The following BIK variants were observed in gnomAD, a reference collection of about 807,000 sequenced individuals.
BIK encodes bcl-2-interacting killer.
Under a neutral mutation model 12.1 loss-of-function variants are expected in BIK, and 14 were observed. The observed-to-expected ratio is 1.16, with a 90% CI of 0.77 to 1.81. BIK has a LOEUF of 1.81. BIK is among the 40% of genes most tolerant of loss of function. The pLI, the probability that BIK is intolerant of heterozygous loss-of-function variation, is 0.00. For synonymous variants in BIK, 86 were observed against 92.3 expected (o/e 0.93, Z 0.39); for missense variants, 215 against 207.9 (o/e 1.03, Z -0.21).
Position 43,124,115 on chromosome 22 carries a change from C to T in BIK, c.93C>T (p.Gly31=). The change falls in exon 2 of 5, where the codon GGC becomes GGT. Residue 31 remains glycine, a synonymous_variant. Coordinates refer to ENST00000216115, the MANE Select transcript of BIK (RefSeq NM_001197.5). ...AACCCCCGACCATGGAGGTTCTTGG[C>T]ATGACTGACTCTGAAGAGGACCTGG... The part of the protein sequence containing the change: ...LLEPPTMEVL[G]MTDSEEDLDP... 1 of 1,614,154 alleles carries T rather than the reference C, an allele frequency of 6.2e-7. No homozygotes were observed. The highest frequency in any genetic ancestry group is 1.3e-5 in the African/African-American group (1 of 75,038).
At chr22:43,120,666 C>G (rs1185065255) in intron 1 of BIK, among the ~76,000 whole-genome samples, 1 of 152,162 alleles carries the variant, frequency 6.6e-6, no homozygotes, top group African/African-American at 2.4e-5. Context: ...CAGGAGAGAC[C>G]AGAGCAGGAG....
Position 43,128,645 on chromosome 22 carries a change from T to G in BIK, c.390+20T>G. On this transcript the variant is annotated intron_variant, in intron 4 of 4. Coordinates refer to ENST00000216115, the MANE Select transcript of BIK (RefSeq NM_001197.5). ...TCCTGGGTAAGAGCCTTGAGATCCC[T>G]GACCCTGACTTGCGCTGCGGCCAGT... The G allele has an allele frequency of 6.3e-7, 1 of 1,593,118 alleles. No individual in the cohort carries two copies. The highest frequency in any genetic ancestry group is 1.1e-5 in the South Asian group (1 of 88,554).
At chr22:43,111,106 C>T (rs1930001372) in intron 1 of BIK, among the ~76,000 whole-genome samples, 1 of 152,198 alleles carries the variant, frequency 6.6e-6, no homozygotes, top group African/African-American at 2.4e-5. Context: ...CGGCTGGACG[C>T]CCCATCGCCG....
chr22:43,115,143 G>A (rs1474123162), intron 1 of BIK, among the ~76,000 whole-genome samples: 1 of 152,208 alleles, frequency 6.6e-6, no homozygotes, highest in Non-Finnish European at 1.5e-5. Context: ...TGGGCTGAGT[G>A]CCCAATCCAG....
At position 43,128,522 on chromosome 22, in the gene BIK, AGACT is replaced by A; in HGVS notation, c.290_293del (p.Thr97ArgfsTer21). 2.5e-6 allele frequency: 4 copies of A among 1,613,980 alleles called. No homozygotes were observed. Among genetic ancestry groups the A allele is most frequent in the Non-Finnish European group, 3.4e-6 (4 of 1,179,822 alleles). Reference sequence around the variant, plus strand: ...CTGGGTCTGGCTTTCATCTACGACCAGACTGAGGACATCAGGGATGTTCTTAGAA... The same window carrying A: ...CTGGGTCTGGCTTTCATCTACGACCAGAGGACATCAGGGATGTTCTTAGAA... On this transcript the variant is annotated frameshift_variant, in exon 4 of 5. Transcript: ENST00000216115. LOFTEE classifies it high-confidence loss of function.
Position 43,129,399 on chromosome 22 carries a change from C to T in BIK, c.*94C>T. The T allele has an allele frequency of 6.8e-7, 1 of 1,466,016 alleles. No homozygotes were observed. Among genetic ancestry groups the T allele is most frequent in the South Asian group, 1.4e-5 (1 of 73,642 alleles). The allele number at this position is 1,466,016 out of a possible 1,614,324, so 90.8% of individuals were successfully genotyped here. ...GCTGTTATCTTTTTAACTGTTTTCT[C>T]ATGATGCCTTTTTATATTTAAACCC... On this transcript the variant is annotated 3_prime_UTR_variant, in exon 5 of 5. Transcript: ENST00000216115.
chr22:43,112,696 C>G (rs1265715188), intron 1 of BIK, among the ~76,000 whole-genome samples: 1 of 147,352 alleles, frequency 6.8e-6, no homozygotes, highest in African/African-American at 2.5e-5. Context: ...GGAGACTAGA[C>G]TGGGCTAGAC....
chr22:43,120,332 C>T (rs779514438), intron 1 of BIK, among the ~76,000 whole-genome samples: 8 of 152,204 alleles, frequency 5.3e-5, no homozygotes, highest in Non-Finnish European at 1.2e-4. Context: ...GGATTATAGG[C>T]GAGCGCCACC....
intron 1 of BIK, among the ~76,000 whole-genome samples, chr22:43,115,531 C>T (rs762684366): frequency 5.6e-4 from 85 of 152,028 alleles, no homozygotes; most frequent in Non-Finnish European, 1.0e-3. Context: ...GGCGCGATCT[C>T]GGCTCACTGC....
At chr22:43,127,114 G>A (rs1054083798) in intron 2 of BIK, among the ~76,000 whole-genome samples, 11 of 152,126 alleles carry the variant, frequency 7.2e-5, no homozygotes, top group Non-Finnish European at 1.0e-4. Context: ...GAGTGAATGC[G>A]GGTGGGGTGT....
In BIK at chr22:43,111,800, C is replaced by T. The variant is rs993729380; in HGVS notation, c.-8+997C>T. ...CCTCATGTCCCCGCATTAGGAGGAGCGCAGTCTGGTGGGCACTAGCGCCGG... is the reference window on the plus strand; with the variant it reads ...CCTCATGTCCCCGCATTAGGAGGAGTGCAGTCTGGTGGGCACTAGCGCCGG... On this transcript the variant is annotated intron_variant, in intron 1 of 4. Transcript: ENST00000216115. Among the ~76,000 whole-genome samples the T allele has an allele frequency of 3.3e-5, 5 of 152,108 alleles. No homozygotes were observed. The South Asian group carries it at 6.2e-4, about 19-fold the overall frequency.
intron 1 of BIK, among the ~76,000 whole-genome samples, chr22:43,116,321 G>T (rs149708393): frequency 0.012 from 1,761 of 152,266 alleles, 12 homozygotes; most frequent in Middle Eastern, 0.02. Flanking sequence ...TGTCGCCCAG[G>T]CTGGAGTGCA....
chr22:43,115,635 G>A (rs8142969), intron 1 of BIK, among the ~76,000 whole-genome samples: 24,998 of 151,886 alleles, frequency 0.16, 2,382 homozygotes, highest in African/African-American at 0.26. Flanking sequence ...GCTAGTTTTT[G>A]TATTTTTAGT....
chr22:43,121,421 G>T (rs1200968917), intron 1 of BIK, among the ~76,000 whole-genome samples: 2 of 152,178 alleles, frequency 1.3e-5, no homozygotes, highest in African/African-American at 4.8e-5. Flanking sequence ...CGGCAGCGCA[G>T]CCCACTCTGG....
In BIK at chr22:43,128,517, C is replaced by T. The variant is rs571936366; in HGVS notation, c.282C>T (p.Tyr94=). Residue 94 remains tyrosine, a synonymous_variant, in exon 4 of 5, where the codon TAC becomes TAT. Coordinates refer to ENST00000216115, the MANE Select transcript of BIK (RefSeq NM_001197.5). ...AMHSLGLAFI[Y]DQTEDIRDVL... Reference sequence around the variant, plus strand: ...ATAGCCTGGGTCTGGCTTTCATCTACGACCAGACTGAGGACATCAGGGATG... The same window carrying T: ...ATAGCCTGGGTCTGGCTTTCATCTATGACCAGACTGAGGACATCAGGGATG... The T allele has an allele frequency of 1.8e-5, 29 of 1,613,864 alleles. No homozygotes were observed. The African/African-American group carries it at 2.4e-4, about 13-fold the overall frequency.
At position 43,113,614 on chromosome 22, in the gene BIK, G is replaced by GTAC. The variant is rs1263944200; in HGVS notation, c.-8+2813_-8+2815dup. On this transcript the variant is annotated intron_variant, in intron 1 of 4. Transcript: ENST00000216115. ...TAAACCAGAGACTACTCATAACCGT[G>GTAC]TACTTTTTTTTTCCCCCATTTCTGA... 2.0e-5 allele frequency among the ~76,000 whole-genome samples: 3 copies of GTAC among 147,710 alleles called. No homozygotes were observed. In the East Asian group the frequency reaches 5.8e-4, roughly 28 times the overall value.
At chr22:43,112,799 G>C (rs1198745874) in intron 1 of BIK, among the ~76,000 whole-genome samples, 1 of 152,146 alleles carries the variant, frequency 6.6e-6, no homozygotes, top group Non-Finnish European at 1.5e-5. Context: ...TAGCTACGCA[G>C]GAGGCTGAGT....
In BIK at chr22:43,129,212, G is replaced by T. The variant is rs767480690; in HGVS notation, c.391-1G>T. Reference sequence around the variant, plus strand: ...CTGACTCCTCTGCTTTGCTCCCACAGGTGTCCTGCGAACAGGTGCTGCTGG... The same window carrying T: ...CTGACTCCTCTGCTTTGCTCCCACATGTGTCCTGCGAACAGGTGCTGCTGG... On this transcript the variant is annotated splice_acceptor_variant, in intron 4 of 4. Coordinates refer to ENST00000216115, the MANE Select transcript of BIK (RefSeq NM_001197.5). LOFTEE classifies it high-confidence loss of function. 1 of 1,604,476 alleles carries T rather than the reference G, an allele frequency of 6.2e-7. No homozygotes were observed. Among genetic ancestry groups the T allele is most frequent in the Admixed American group, 1.7e-5 (1 of 60,024 alleles).
rs1195818912 is a variant in BIK at position 43,129,464 on chromosome 22, G to GT, written c.*165dup. The GT allele has an allele frequency of 3.0e-5, 37 of 1,214,724 alleles. No individual in the cohort carries two copies. Among genetic ancestry groups the GT allele is most frequent in the African/African-American group, 2.4e-4 (15 of 62,242 alleles). The allele number at this position is 1,214,724 out of a possible 1,614,324, so 75.2% of individuals were successfully genotyped here. A position where few individuals can be genotyped will look rare whatever the true frequency, so the allele number is the denominator to read the frequency against. ...AACACTGCTGAGGTTTTATACTCAGGTTTTTTGTTTTTTTTTTATTCCAGT... is the reference window on the plus strand; with the variant it reads ...AACACTGCTGAGGTTTTATACTCAGGTTTTTTTGTTTTTTTTTTATTCCAGT... On this transcript the variant is annotated 3_prime_UTR_variant, in exon 5 of 5. Transcript: ENST00000216115.
Sources: allele counts gnomAD v4.1 joint callset (sites outside exome capture counted in the v4.1 genomes callset), GRCh38; gene constraint gnomAD v4.1.1; transcripts MANE v1.5; gene names NCBI Gene and HGNC (gene_info 2026-07-23, HGNC 2026-07-21).